The following BBX variants were observed in gnomAD, a reference collection of about 807,000 sequenced individuals.
The protein encoded by BBX is BBX high mobility group box domain containing.
A neutral mutation model predicts 100.2 loss-of-function variants in BBX; 30 were observed. The ratio of observed to expected loss-of-function variants is 0.30; its 90% CI spans 0.22 to 0.41. The LOEUF (loss-of-function observed/expected upper bound fraction) is 0.41, where lower values mean the gene tolerates loss of function less well. Ranked by LOEUF, BBX falls within the 10% of genes least tolerant of loss-of-function variation. BBX has a pLI of 1.00. For synonymous variants in BBX, 376 were observed against 388.1 expected, an observed-to-expected ratio of 0.97 and a Z score of 0.37; for missense variants, 1,023 against 1,129.8, an observed-to-expected ratio of 0.91 and a Z score of 1.35.
Position 107,659,531 on chromosome 3 carries a change from G to A in BBX, c.-10+13622G>A, listed in dbSNP as rs1308919984. 1.0e-5 allele frequency: 3 copies of A among 297,514 alleles called. No homozygotes were observed. In the East Asian group the frequency reaches 3.0e-4, roughly 30 times the overall value. 18.4% of individuals were successfully genotyped at this position (297,514 alleles called of 1,614,324 possible). A position where few individuals can be genotyped will look rare whatever the true frequency, so the allele number is the denominator to read the frequency against. On this transcript the variant is annotated intron_variant, in intron 3 of 17. Coordinates refer to ENST00000325805, the MANE Select transcript of BBX (RefSeq NM_001142568.3). Reference sequence around the variant, plus strand: ...CTATCAAAATATAACCCATTACTTAGTACTGGTAGGTGCTTCTTTTTCTTC... The same window carrying A: ...CTATCAAAATATAACCCATTACTTAATACTGGTAGGTGCTTCTTTTTCTTC...
intron 2 of BBX, among the ~76,000 whole-genome samples, chr3:107,569,586 C>A (rs1576340514): frequency 1.3e-5 from 2 of 151,968 alleles, no homozygotes; most frequent in South Asian, 4.2e-4. Context: ...GTCAGGGAAG[C>A]AGATAATGTA....
rs963183184 is a variant in BBX at position 107,787,231 on chromosome 3, G to A, written c.2204-2556G>A. ...AGGATGGTCTTGATCTCTTGATGTCGTGATCTACCCGCTTTGGCCCCCCAA... is the reference window on the plus strand; with the variant it reads ...AGGATGGTCTTGATCTCTTGATGTCATGATCTACCCGCTTTGGCCCCCCAA... On this transcript the variant is annotated intron_variant, in intron 13 of 17. Coordinates refer to ENST00000325805, the MANE Select transcript of BBX (RefSeq NM_001142568.3). Among the ~76,000 whole-genome samples, 5 of 152,180 alleles carry A rather than the reference G, an allele frequency of 3.3e-5. No individual in the cohort carries two copies. The East Asian group carries it at 7.7e-4, about 23-fold the overall frequency.
In BBX at chr3:107,810,167, T is replaced by C. The variant is rs548420594; in HGVS notation, c.*4710T>C. On this transcript the variant is annotated 3_prime_UTR_variant, in exon 18 of 18. Transcript: ENST00000325805. ...GACTCCCTCATAATCCCCATCTGTA[T>C]GTGCTACCCTTCCTTCAAATATATA... 7 of 151,302 alleles carry C rather than the reference T, an allele frequency of 4.6e-5. No homozygotes were observed. In the South Asian group the frequency reaches 1.5e-3, roughly 32 times the overall value. The allele number at this position is 151,302 out of a possible 1,614,324, so 9.4% of individuals were successfully genotyped here.
rs34762783 is a variant in BBX, at chr3:107,743,918, GTTTTTTTT to G, written c.670-694_670-687del. Among the ~76,000 whole-genome samples the G allele has an allele frequency of 2.8e-4, 16 of 56,624 alleles. No individual in the cohort carries two copies. In the South Asian group the frequency reaches 0.015, roughly 53 times the overall value. 37.1% of individuals were successfully genotyped at this position (56,624 alleles called of 152,430 possible). On this transcript the variant is annotated intron_variant, in intron 7 of 17. Coordinates refer to ENST00000325805, the MANE Select transcript of BBX (RefSeq NM_001142568.3). ...GTGATTTTTCTTCTTTGTTTTAGTG[GTTTTTTTT>G]TTTTTTTTTTTTTTTTTCAGATTTT...
At chr3:107,692,289 C>A (rs2060230788) in intron 3 of BBX, among the ~76,000 whole-genome samples, 1 of 152,020 alleles carries the variant, frequency 6.6e-6, no homozygotes, top group African/African-American at 2.4e-5. Context: ...TGGTGCGCTG[C>A]ACCTACTAAC....
intron 3 of BBX, among the ~76,000 whole-genome samples, chr3:107,655,951 T>G (rs2058114492): frequency 6.6e-6 from 1 of 152,022 alleles, no homozygotes; most frequent in Non-Finnish European, 1.5e-5. Context: ...CCGCCCATCT[T>G]GGCCTTCCAA....
intron 2 of BBX, among the ~76,000 whole-genome samples, chr3:107,535,632 G>A (rs568148873): frequency 2.8e-5 from 4 of 141,912 alleles, no homozygotes; most frequent in South Asian, 4.4e-4. Flanking sequence ...TCACTCTGTC[G>A]CCTAGGCTGG....
intron 3 of BBX, among the ~76,000 whole-genome samples, chr3:107,705,986 G>T: frequency 6.8e-6 from 1 of 148,102 alleles, no homozygotes; most frequent in African/African-American, 2.5e-5. Flanking sequence ...CATGAAGTCT[G>T]ACCTCAGTAA....
At chr3:107,749,563 A>G (rs1054654242) in intron 9 of BBX, among the ~76,000 whole-genome samples, 3 of 152,150 alleles carry the variant, frequency 2.0e-5, no homozygotes, top group Admixed American at 6.5e-5. Flanking sequence ...TTAAAATACC[A>G]GTATGGAATA....
chr3:107,779,032 CACACATAT>C (rs1375480579), intron 13 of BBX, among the ~76,000 whole-genome samples: 1 of 86,274 alleles, frequency 1.2e-5, no homozygotes, highest in Non-Finnish European at 2.4e-5. Context: ...CACACACACA[CACACATAT>C]ACATTGGTTT....
At chr3:107,733,508 C>CG (rs1384944695) in intron 7 of BBX, among the ~76,000 whole-genome samples, 1 of 152,120 alleles carries the variant, frequency 6.6e-6, no homozygotes, top group East Asian at 1.9e-4. Flanking sequence ...CCCACCCCCC[C>CG]TTGAGACAGG....
At chr3:107,721,352 G>C (rs1176673548) in intron 5 of BBX, among the ~76,000 whole-genome samples, 1 of 151,592 alleles carries the variant, frequency 6.6e-6, no homozygotes, top group African/African-American at 2.4e-5. Context: ...TTCCATAGTT[G>C]TTTTGTTTTT....
At chr3:107,551,394 T>C (rs1416356397) in intron 2 of BBX, among the ~76,000 whole-genome samples, 2 of 152,266 alleles carry the variant, frequency 1.3e-5, no homozygotes, top group African/African-American at 4.8e-5. Flanking sequence ...CACCCATCTT[T>C]TTCTTCTTTT....
rs181504297 is a variant in BBX at position 107,773,410 on chromosome 3, C to T, written c.1689C>T (p.Asn563=). The T allele has an allele frequency of 1.9e-6, 3 of 1,614,102 alleles. No homozygotes were observed. The African/African-American group carries it at 4.0e-5, about 22-fold the overall frequency. Residue 563 remains asparagine (N), a synonymous_variant, in exon 11 of 18, where the codon AAC becomes AAT. Transcript: ENST00000325805. This position sits in a 1 kb window ranked among gnomAD's most constrained non-coding sequence, Gnocchi z 4.1. ...PDFISISASK[N]ISGETPEGIK... ...TCATTAGTATTTCTGCTAGCAAGAA[C>T]ATTTCTGGTGAGACACCAGAGGGTA...
At chr3:107,758,829 T>C (rs1576664258) in intron 10 of BBX, among the ~76,000 whole-genome samples, 2 of 152,274 alleles carry the variant, frequency 1.3e-5, no homozygotes, top group South Asian at 2.1e-4. Flanking sequence ...CCTCCCCCAT[T>C]CTGTCTTCTA....
At chr3:107,643,667 T>C (rs1163067936) in intron 2 of BBX, among the ~76,000 whole-genome samples, 1 of 152,062 alleles carries the variant, frequency 6.6e-6, no homozygotes, top group South Asian at 2.1e-4. Context: ...ACTTAGGGCA[T>C]TTCCCCCTGC....
Position 107,728,790 on chromosome 3 carries a change from A to G in BBX, c.431A>G (p.Asn144Ser). Residue 144 changes from asparagine to serine, a missense_variant, in exon 6 of 18, where the codon AAT (asparagine) becomes AGT (serine). By Grantham distance (46) the Asn-to-Ser change is conservative. Around this residue, in one of 9 missense-constraint regions of BBX, gnomAD observed 229 missense variants for 226.3 expected, o/e 1.01. Transcript: ENST00000325805. ...TATAAGGATGCATTTATGAAAGCAA[A>G]TCCTGGCTACAAATGGTGTCCTACC... ...KEYKDAFMKANPGYKWCPTTN... is the reference protein window; with the variant it reads ...KEYKDAFMKASPGYKWCPTTN... The G allele has an allele frequency of 1.2e-6, 2 of 1,613,320 alleles. No homozygotes were observed. Among genetic ancestry groups the G allele is most frequent in the Non-Finnish European group, 1.7e-6 (2 of 1,179,634 alleles).
At chr3:107,701,643 G>A (rs2061061999) in intron 3 of BBX, among the ~76,000 whole-genome samples, 1 of 152,154 alleles carries the variant, frequency 6.6e-6, no homozygotes, top group Non-Finnish European at 1.5e-5. Flanking sequence ...GTATTCAACT[G>A]CATTGACAAT....
At chr3:107,526,922 A>G (rs898442684) in intron 2 of BBX, among the ~76,000 whole-genome samples, 1 of 152,216 alleles carries the variant, frequency 6.6e-6, no homozygotes, top group Non-Finnish European at 1.5e-5. Context: ...TCTAGCGTTT[A>G]GTGCACTAAT....
Sources: allele counts gnomAD v4.1 joint callset (sites outside exome capture counted in the v4.1 genomes callset), GRCh38; gene constraint gnomAD v4.1.1; regional missense constraint gnomAD v4.1.1; non-coding constraint Gnocchi (gnomAD v3.1); transcripts MANE v1.5; gene names NCBI Gene and HGNC (gene_info 2026-07-23, HGNC 2026-07-21).